The following TLL2 variants were observed in gnomAD, a reference collection of about 807,000 sequenced individuals.
TLL2 encodes tolloid like 2, also known as tolloid-like protein 2.
TLL2 carries 106 observed loss-of-function variants against 123.0 expected under a neutral mutation model. That is an observed-to-expected ratio of 0.86 (90% confidence interval 0.74 to 1.01). The LOEUF is 1.01. Ranked by LOEUF, TLL2 falls within the 50% of genes least tolerant of loss-of-function variation. The pLI, the probability that TLL2 is intolerant of heterozygous loss-of-function variation, is 0.00. For missense variants in TLL2, 1,332 were observed against 1,336.7 expected (o/e 1.00, Z 0.06); for synonymous variants, 494 against 516.8 (o/e 0.96, Z 0.60).
At chr10:96,405,099 C>T in intron 10 of TLL2, 133 bp downstream of exon 10, 1 of 782,560 alleles carries the variant, frequency 1.3e-6, no homozygotes, top group Non-Finnish European at 2.1e-6. Flanking sequence ...AAATGGAGTG[C>T]TCAGAGTTTT....
At chr10:96,500,274 C>T (rs960128615) in intron 1 of TLL2, among the ~76,000 whole-genome samples, 5 of 151,444 alleles carry the variant, frequency 3.3e-5, no homozygotes, top group Non-Finnish European at 5.9e-5. Context: ...GCTGTGATTG[C>T]GCCACTGCAC....
At chr10:96,509,063 TA>T (rs1554942486) in intron 1 of TLL2, among the ~76,000 whole-genome samples, 1 of 152,098 alleles carries the variant, frequency 6.6e-6, no homozygotes, top group Non-Finnish European at 1.5e-5. Context: ...GACACCCACA[TA>T]GAGAGACCAC....
At chr10:96,476,248 T>TTTTTTTTTTGTTGTTGTTGTTGTTGTTG (rs1285354320) in intron 2 of TLL2, among the ~76,000 whole-genome samples, 1 of 69,230 alleles carries the variant, frequency 1.4e-5, no homozygotes, top group African/African-American at 6.2e-5. Context: ...ATATTTTATT[T>TTTTTTTTTTGTTGTTGTTGTTGTTGTTG]TTGTTGTTGT....
Position 96,513,745 on chromosome 10 carries a change from A to G in TLL2, c.-60T>C. ...CGTGCACGAAAGCTCAGCTCGGCCGAAAGACGGCGCACACTGGGTCGGTCG... is the reference window on the plus strand; with the variant it reads ...CGTGCACGAAAGCTCAGCTCGGCCGGAAGACGGCGCACACTGGGTCGGTCG... On this transcript the variant is annotated 5_prime_UTR_variant, in exon 1 of 21. Transcript: ENST00000357947. 7.0e-7 allele frequency: 1 copy of G among 1,424,298 alleles called. No individual in the cohort carries two copies. The highest frequency in any genetic ancestry group is 1.5e-5 in the South Asian group (1 of 68,838). 88.2% of individuals were successfully genotyped at this position (1,424,298 alleles called of 1,614,324 possible).
chr10:96,376,947 G>T, intron 17 of TLL2, 128 bp from the exon 18 acceptor site: 1 of 882,210 alleles, frequency 1.1e-6, no homozygotes, highest in Non-Finnish European at 1.6e-6. Context: ...TATGGGGGTG[G>T]GGTATCCTGA....
chr10:96,415,564 A>T (rs970974400), intron 7 of TLL2, among the ~76,000 whole-genome samples: 2 of 151,528 alleles, frequency 1.3e-5, no homozygotes, highest in African/African-American at 4.9e-5. Flanking sequence ...CTGTCCTTAG[A>T]AACTACAGCA....
chr10:96,418,709 A>T (rs1186114012), intron 7 of TLL2, among the ~76,000 whole-genome samples: 1 of 148,242 alleles, frequency 6.7e-6, no homozygotes, highest in African/African-American at 2.5e-5. Flanking sequence ...ATATGAATAT[A>T]TATGTATATA....
chr10:96,416,289 C>T (rs1047726758), intron 7 of TLL2, among the ~76,000 whole-genome samples: 1 of 152,244 alleles, frequency 6.6e-6, no homozygotes, highest in Non-Finnish European at 1.5e-5. Flanking sequence ...GGCCACATCA[C>T]GTAGATGACT....
chr10:96,448,181 G>A (rs1335563329), intron 2 of TLL2, among the ~76,000 whole-genome samples: 2 of 152,206 alleles, frequency 1.3e-5, no homozygotes, highest in East Asian at 3.8e-4. Flanking sequence ...TGCTCGTTCC[G>A]CTGCCTCCTG....
At chr10:96,436,835 G>A (rs529453219) in intron 3 of TLL2, among the ~76,000 whole-genome samples, 12 of 151,708 alleles carry the variant, frequency 7.9e-5, no homozygotes, top group East Asian at 1.9e-4. Flanking sequence ...ACAGGCATAT[G>A]CCACCACCCC....
At chr10:96,410,523 G>T in intron 8 of TLL2, 49 bp from the exon 9 acceptor site, 2 of 1,461,970 alleles carry the variant, frequency 1.4e-6, no homozygotes, top group Non-Finnish European at 1.9e-6. Flanking sequence ...ACCTCTCCCC[G>T]CCCAAGCAGC....
chr10:96,403,392 T>C (rs1846414074), intron 10 of TLL2, among the ~76,000 whole-genome samples: 1 of 152,254 alleles, frequency 6.6e-6, no homozygotes, highest in South Asian at 2.1e-4. Context: ...TGTTAATTTG[T>C]AGCTTTGCCC....
At chr10:96,377,514 CCTT>C (rs572550253) in intron 17 of TLL2, among the ~76,000 whole-genome samples, 82 of 152,314 alleles carry the variant, frequency 5.4e-4, no homozygotes, top group African/African-American at 2.0e-3. Flanking sequence ...CTCTTTTAGT[CCTT>C]CTCACTTCCC....
In TLL2 at chr10:96,422,559, G is replaced by A. The variant is rs1412160653; in HGVS notation, c.807C>T (p.Asn269=). Residue 269 remains asparagine (N), a synonymous_variant, in exon 6 of 21, where the codon AAC becomes AAT. Transcript: ENST00000357947. ...RDQHVTIIRE[N]IQPGQEYNFL... is the part of the protein sequence containing the mutation. ...CACAGGCCTCCTTACCTGGCTGGAT[G>A]TTTTCCCTGATGATGGTGACATGTT... 1.2e-6 allele frequency: 2 copies of A among 1,614,098 alleles called. No homozygotes were observed. Among genetic ancestry groups the A allele is most frequent in the South Asian group, 2.2e-5 (2 of 91,074 alleles).
chr10:96,480,402 T>A lies in TLL2; in HGVS notation c.233A>T (p.Asp78Val). The change falls in exon 2 of 21, where the codon GAC (aspartate) becomes GTC (valine). Residue 78 changes from aspartate to valine, a missense_variant. Transcript: ENST00000357947. ...DEDDLKLFHI[D>V]KARDWTKQTV... ...CTGCTTGGTCCAGTCTCTGGCTTTG[T>A]CAATGTGAAACAGCTTCAAGTCATC... The A allele has an allele frequency of 6.2e-7, 1 of 1,614,200 alleles. No individual in the cohort carries two copies. The highest frequency in any genetic ancestry group is 8.5e-7 in the Non-Finnish European group (1 of 1,180,038).
chr10:96,487,465 A>G (rs1158208731), intron 1 of TLL2, among the ~76,000 whole-genome samples: 1 of 152,112 alleles, frequency 6.6e-6, no homozygotes, highest in Admixed American at 6.5e-5. Flanking sequence ...AGACAATATT[A>G]ACCAGACAGC....
At chr10:96,464,188 A>C (rs1367763531) in intron 2 of TLL2, among the ~76,000 whole-genome samples, 3 of 152,122 alleles carry the variant, frequency 2.0e-5, no homozygotes, top group Non-Finnish European at 4.4e-5. Context: ...GTTCAAGACC[A>C]GTCTGGCCAA....
intron 1 of TLL2, among the ~76,000 whole-genome samples, chr10:96,497,098 T>C (rs1847484402): frequency 1.3e-5 from 2 of 150,888 alleles, no homozygotes; most frequent in Non-Finnish European, 1.5e-5. Context: ...CTGGGAAACA[T>C]AGCGAAACCC....
intron 5 of TLL2, among the ~76,000 whole-genome samples, chr10:96,426,482 A>G (rs1488555048): frequency 6.6e-6 from 1 of 152,208 alleles, no homozygotes; most frequent in Non-Finnish European, 1.5e-5. Context: ...TAAGTATACC[A>G]GAATAATCTG....
Sources: gnomAD v4.1 joint callset for allele counts (sites outside exome capture counted in the v4.1 genomes callset) on GRCh38, gnomAD v4.1.1 for gene constraint, MANE v1.5 for transcripts, NCBI Gene and HGNC (gene_info 2026-07-23, HGNC 2026-07-21) for gene names.